SOX6: variants seen among roughly 807,000 people sequenced by gnomAD.
SOX6 encodes SRY-box transcription factor 6, also known as transcription factor SOX-6.
SOX6 carries 11 observed loss-of-function variants against 97.8 expected under a neutral mutation model. The ratio of observed to expected loss-of-function variants is 0.11; its 90% confidence interval spans 0.07 to 0.19. The LOEUF is 0.19. SOX6 is among the 10% of genes least tolerant of loss of function. The pLI is 1.00. For synonymous variants in SOX6, 360 were observed against 371.4 expected (o/e 0.97, Z 0.35); for missense variants, 810 against 1,039.5 (o/e 0.78, Z 3.04).
intron 1 of SOX6, among the ~76,000 whole-genome samples, chr11:16,426,643 G>A (rs572645918): frequency 4.0e-5 from 6 of 151,820 alleles, no homozygotes; most frequent in East Asian, 2.0e-4. Context: ...GGCCGGGCGC[G>A]GTGGCTCACG....
At chr11:16,046,222 ACAT>A (rs1311055589) in intron 12 of SOX6, among the ~76,000 whole-genome samples, 1 of 152,200 alleles carries the variant, frequency 6.6e-6, no homozygotes, top group Non-Finnish European at 1.5e-5. Flanking sequence ...TATTCTAATA[ACAT>A]CATACATCTC....
At chr11:16,429,706 C>T (rs1015783470) in intron 1 of SOX6, among the ~76,000 whole-genome samples, 1 of 151,792 alleles carries the variant, frequency 6.6e-6, no homozygotes, top group African/African-American at 2.4e-5. Context: ...GGGAGAGGAT[C>T]AGGAAAAATA....
At chr11:16,025,476 A>T (rs1426580796) in intron 12 of SOX6, among the ~76,000 whole-genome samples, 1 of 152,228 alleles carries the variant, frequency 6.6e-6, no homozygotes, top group Non-Finnish European at 1.5e-5. Context: ...GTGTCACAAT[A>T]AAATTAATGA....
In SOX6 at chr11:16,055,768, G is replaced by C; in HGVS notation, c.1235C>G (p.Pro412Arg). ...CGAGTGTACCTTAACTTGAGTTACA[G>C]GGCTGGTCCCTCTCTTTTCATTTTT... ...GIKNEKRGTS[P>R]VTQVKDEAAA... Residue 412 changes from proline (P) to arginine (R), a missense_variant, in exon 10 of 16, where the codon CCT (proline) becomes CGT (arginine). This residue lies in a region of SOX6 where 244 missense variants were observed against 261.0 expected (regional missense o/e 0.93). Transcript: ENST00000683767. The C allele has an allele frequency of 6.2e-7, 1 of 1,613,582 alleles. No homozygotes were observed. The highest frequency in any genetic ancestry group is 8.5e-7 in the Non-Finnish European group (1 of 1,179,734).
chr11:16,650,262 T>C (rs1048261334), intron 3 of SOX6, among the ~76,000 whole-genome samples: 1 of 152,130 alleles, frequency 6.6e-6, no homozygotes, highest in African/African-American at 2.4e-5. Flanking sequence ...ACTTAAACTA[T>C]ATCCTAGAAC....
chr11:16,646,611 A>G (rs1849018823), intron 3 of SOX6, among the ~76,000 whole-genome samples: 1 of 151,954 alleles, frequency 6.6e-6, no homozygotes. Flanking sequence ...GTAGTCTTTT[A>G]TCCCTGACTC....
At chr11:16,625,111 G>A (rs1332282216) in intron 3 of SOX6, among the ~76,000 whole-genome samples, 2 of 152,104 alleles carry the variant, frequency 1.3e-5, no homozygotes, top group Non-Finnish European at 2.9e-5. Context: ...TTGATGAGTA[G>A]ATGTTTTTAA....
At position 16,113,724 on chromosome 11, in the gene SOX6, A is replaced by G. The variant is rs368034268; in HGVS notation, c.778-1801T>C. 6.6e-4 allele frequency among the ~76,000 whole-genome samples: 100 copies of G among 152,302 alleles called. 1 individual carries two copies. The Middle Eastern group carries it at 0.01, about 16-fold the overall frequency. Reference sequence around the variant, plus strand: ...GCTTATACTCTAAAAAGGGAGAAAAAGAAAGTGAGGAGTTTGGATATTATA... The same window carrying G: ...GCTTATACTCTAAAAAGGGAGAAAAGGAAAGTGAGGAGTTTGGATATTATA... On this transcript the variant is annotated intron_variant, in intron 6 of 15. Coordinates refer to ENST00000683767, the MANE Select transcript of SOX6 (RefSeq NM_001367873.1).
At chr11:15,987,231 A>C (rs1853875809) in intron 14 of SOX6, among the ~76,000 whole-genome samples, 1 of 152,170 alleles carries the variant, frequency 6.6e-6, no homozygotes, top group Admixed American at 6.5e-5. Flanking sequence ...TGCAGACTGG[A>C]TGTTAGCGAT....
intron 6 of SOX6, among the ~76,000 whole-genome samples, chr11:16,171,121 T>C (rs1851026077): frequency 6.6e-6 from 1 of 152,092 alleles, no homozygotes; most frequent in African/African-American, 2.4e-5. Flanking sequence ...CTAGCAAAGA[T>C]AATCTTTCCA....
rs529940352 is a variant in SOX6 at position 15,967,272 on chromosome 11, G to T, written c.*5537C>A. The T allele has an allele frequency of 6.6e-6, 1 of 152,296 alleles. No individual in the cohort carries two copies. The highest frequency in any genetic ancestry group is 2.1e-4 in the South Asian group (1 of 4,826). The allele number at this position is 152,296 out of a possible 1,614,324, so 9.4% of individuals were successfully genotyped here. ...CTTAGCAATTCAAGGGCCACACCCA[G>T]TGTTGCTATAGGAACCAAAGCACAG... On this transcript the variant is annotated 3_prime_UTR_variant, in exon 16 of 16. Coordinates refer to ENST00000683767, the MANE Select transcript of SOX6 (RefSeq NM_001367873.1).
chr11:16,732,100 A>T (rs1848354768), intron 2 of SOX6, among the ~76,000 whole-genome samples: 3 of 152,248 alleles, frequency 2.0e-5, no homozygotes, highest in Non-Finnish European at 1.5e-5. Context: ...GGACACAAAT[A>T]AATGGAAAAA....
intron 6 of SOX6, among the ~76,000 whole-genome samples, chr11:16,161,331 T>C (rs1209181060): frequency 6.6e-6 from 1 of 150,984 alleles, no homozygotes; most frequent in Non-Finnish European, 1.5e-5. Context: ...TATATATATA[T>C]ATCAGATATA....
intron 4 of SOX6, among the ~76,000 whole-genome samples, chr11:16,602,990 C>A (rs989960329): frequency 4.6e-5 from 7 of 151,962 alleles, no homozygotes; most frequent in African/African-American, 1.7e-4. Flanking sequence ...CATTGCACTC[C>A]AGCCGGGGCA....
chr11:16,316,318 T>C (rs913925423), intron 3 of SOX6: 1 of 151,736 alleles, frequency 6.6e-6, no homozygotes, highest in African/African-American at 2.4e-5. Context: ...TCCAGATTTG[T>C]GAGATAGGTA....
intron 4 of SOX6, among the ~76,000 whole-genome samples, chr11:16,230,802 A>C (rs1852825148): frequency 6.6e-6 from 1 of 151,758 alleles, no homozygotes; most frequent in African/African-American, 2.4e-5. Context: ...AAGGATACTA[A>C]AGTTACAGTG....
chr11:16,155,843 T>C (rs780992957), intron 6 of SOX6, among the ~76,000 whole-genome samples: 1 of 152,114 alleles, frequency 6.6e-6, no homozygotes, highest in African/African-American at 2.4e-5. Flanking sequence ...CATCTTTTCA[T>C]AGGCTATACA....
upstream of SOX6, among the ~76,000 whole-genome samples, chr11:16,360,127 C>T (rs778518208): frequency 2.0e-5 from 3 of 152,238 alleles, no homozygotes; most frequent in Middle Eastern, 3.4e-3. Context: ...CTAAGACCTA[C>T]AATAATCTTA....
At chr11:16,595,704 A>C (rs1322302703) in intron 4 of SOX6, among the ~76,000 whole-genome samples, 1 of 151,990 alleles carries the variant, frequency 6.6e-6, no homozygotes, top group Non-Finnish European at 1.5e-5. Flanking sequence ...AAGGCCAGGA[A>C]TGGCTGCAAT....
Sources: allele counts gnomAD v4.1 joint callset (sites outside exome capture counted in the v4.1 genomes callset), GRCh38; gene constraint gnomAD v4.1.1; regional missense constraint gnomAD v4.1.1; transcripts MANE v1.5; gene names NCBI Gene and HGNC (gene_info 2026-07-23, HGNC 2026-07-21).